The following GLIPR1L1 variants were observed in gnomAD, a reference collection of about 807,000 sequenced individuals.
GLIPR1L1 encodes GLIPR1-like protein 1.
A neutral mutation model predicts 29.9 loss-of-function variants in GLIPR1L1; 26 were observed. That is an observed-to-expected ratio of 0.87 (90% CI 0.64 to 1.21). The LOEUF (loss-of-function observed/expected upper bound fraction) is 1.21, where lower values mean the gene tolerates loss of function less well. Among genes scored for constraint, GLIPR1L1 ranks in the 50% most tolerant of loss-of-function variants. The probability of loss-of-function intolerance (pLI) is 0.00; values close to 1 mark genes in which losing one functional copy is unlikely to be tolerated. For synonymous variants in GLIPR1L1, 77 were observed against 97.5 expected (o/e 0.79, Z 1.24); for missense variants, 305 against 290.3 (o/e 1.05, Z -0.37).
rs2044293579 is a variant in GLIPR1L1, at chr12:75,370,538, C to A, written c.*362C>A. On this transcript the variant is annotated 3_prime_UTR_variant, in exon 6 of 6. Transcript: ENST00000378695. The stretch of plus-strand genomic sequence containing the variant: ...CAATAGTTTCCTTTATGAATACCAT[C>A]AACATCATTCAGAAACAAAATGTTA... The A allele has an allele frequency of 6.3e-6, 1 of 158,934 alleles. No homozygotes were observed. The highest frequency in any genetic ancestry group is 6.3e-5 in the Admixed American group (1 of 15,946). The allele number at this position is 158,934 out of a possible 1,614,324, so 9.8% of individuals were successfully genotyped here. A position where few individuals can be genotyped will look rare whatever the true frequency, so the allele number is the denominator to read the frequency against.
intron 3 of GLIPR1L1, among the ~76,000 whole-genome samples, chr12:75,348,102 C>T (rs2139403060): frequency 6.6e-6 from 1 of 152,086 alleles, no homozygotes; most frequent in East Asian, 1.9e-4. Context: ...TGTAAAAGAA[C>T]ATACTTTTAA....
rs1344115361 is a variant in GLIPR1L1, at chr12:75,370,471, G to C, written c.*295G>C. Reference sequence around the variant, plus strand: ...TCATTTTAGTTATAGTACATTTAGAGAACTAAAGACTTTTCACATATCAAA... The same window carrying C: ...TCATTTTAGTTATAGTACATTTAGACAACTAAAGACTTTTCACATATCAAA... On this transcript the variant is annotated 3_prime_UTR_variant, in exon 6 of 6. Transcript: ENST00000378695. 2 of 209,510 alleles carry C rather than the reference G, an allele frequency of 9.5e-6. No individual in the cohort carries two copies. Among genetic ancestry groups the C allele is most frequent in the African/African-American group, 4.6e-5 (2 of 43,600 alleles). 13.0% of individuals were successfully genotyped at this position (209,510 alleles called of 1,614,324 possible).
chr12:75,343,698 G>A lies in GLIPR1L1; in HGVS notation c.180G>A (p.Trp60Ter). ...AAATTATTTTTATCTTTCAGATTTGGGATAAAGGTTTAGCAAAGATGGCTA... is the reference window on the plus strand; with the variant it reads ...AAATTATTTTTATCTTTCAGATTTGAGATAAAGGTTTAGCAAAGATGGCTA... ...PPAADMKYMIWDKGLAKMAKA... is the reference protein window; with the variant it reads ...PPAADMKYMI Residue 60 changes from tryptophan (W) to a stop codon, truncating the protein, a stop_gained, in exon 2 of 6, where the codon TGG becomes TGA. Transcript: ENST00000378695. LOFTEE classifies it high-confidence loss of function. 1 of 1,599,978 alleles carries A rather than the reference G, an allele frequency of 6.3e-7. No homozygotes were observed. Among genetic ancestry groups the A allele is most frequent in the Admixed American group, 1.7e-5 (1 of 58,186 alleles).
At chr12:75,355,140 A>G (rs2043066800) in intron 3 of GLIPR1L1, among the ~76,000 whole-genome samples, 1 of 152,216 alleles carries the variant, frequency 6.6e-6, no homozygotes, top group African/African-American at 2.4e-5. Flanking sequence ...GGGATCAATT[A>G]AACTAAAGAA....
intron 4 of GLIPR1L1, 145 bp from the exon 5 acceptor site, chr12:75,369,815 T>C (rs770384420): frequency 5.4e-6 from 7 of 1,297,552 alleles, no homozygotes; most frequent in South Asian, 2.2e-5. Context: ...TACTGTAGGA[T>C]TGAGTAGGAA....
intron 1 of GLIPR1L1, among the ~76,000 whole-genome samples, chr12:75,337,648 C>G (rs1468729003): frequency 1.3e-5 from 2 of 151,906 alleles, no homozygotes; most frequent in Non-Finnish European, 2.9e-5. Flanking sequence ...GTCAGTGAAA[C>G]TACCTACCTC....
At chr12:75,359,849 T>G (rs999887316) in intron 3 of GLIPR1L1, 1 of 152,124 alleles carries the variant, frequency 6.6e-6, no homozygotes, top group Non-Finnish European at 1.5e-5. Context: ...TTTGTTCATT[T>G]TCACACTGCT....
chr12:75,350,083 G>C (rs895658536), intron 3 of GLIPR1L1, among the ~76,000 whole-genome samples: 2 of 152,218 alleles, frequency 1.3e-5, no homozygotes, highest in African/African-American at 4.8e-5. Flanking sequence ...GTTTGGACCA[G>C]GAGAAATTCC....
intron 1 of GLIPR1L1, among the ~76,000 whole-genome samples, chr12:75,335,816 G>T (rs2041695064): frequency 6.6e-6 from 1 of 151,940 alleles, no homozygotes; most frequent in Admixed American, 6.6e-5. Context: ...CCAGCTTGGG[G>T]TTGTCCAAGG....
At chr12:75,365,100 T>C (rs928789867) in intron 4 of GLIPR1L1, 1 of 152,146 alleles carries the variant, frequency 6.6e-6, no homozygotes, top group Non-Finnish European at 1.5e-5. Flanking sequence ...CAACCACCTC[T>C]TGCACAATAG....
At chr12:75,363,487 C>T (rs2043755121) in intron 4 of GLIPR1L1, among the ~76,000 whole-genome samples, 1 of 152,114 alleles carries the variant, frequency 6.6e-6, no homozygotes, top group Non-Finnish European at 1.5e-5. Context: ...TTTTTACTCG[C>T]TTTCATTGAC....
chr12:75,368,696 G>C (rs936721484), intron 4 of GLIPR1L1, among the ~76,000 whole-genome samples: 1 of 151,738 alleles, frequency 6.6e-6, no homozygotes, highest in East Asian at 1.9e-4. Context: ...GTTTGTATTA[G>C]ACTCATTTTA....
intron 3 of GLIPR1L1, among the ~76,000 whole-genome samples, chr12:75,355,836 A>T (rs188819258): frequency 2.0e-5 from 3 of 152,204 alleles, no homozygotes; most frequent in African/African-American, 4.8e-5. Context: ...AGGGACATGG[A>T]TGGAGCTAGA....
At chr12:75,342,347 T>C (rs74988346) in intron 1 of GLIPR1L1, among the ~76,000 whole-genome samples, 5,763 of 152,330 alleles carry the variant, frequency 0.038, 126 homozygotes, top group East Asian at 0.052. Context: ...GATATCATAC[T>C]ATTGTTACAA....
At chr12:75,350,850 G>C (rs552564721) in intron 3 of GLIPR1L1, among the ~76,000 whole-genome samples, 1 of 152,308 alleles carries the variant, frequency 6.6e-6, no homozygotes, top group South Asian at 2.1e-4. Flanking sequence ...GGCTGAGATG[G>C]ACGAATTGAC....
chr12:75,352,662 A>G (rs533445116), intron 3 of GLIPR1L1, among the ~76,000 whole-genome samples: 7 of 152,200 alleles, frequency 4.6e-5, no homozygotes, highest in Non-Finnish European at 8.8e-5. Flanking sequence ...CCTGACAGTT[A>G]TCTGCAGAAC....
At chr12:75,350,607 C>T (rs1199711442) in intron 3 of GLIPR1L1, among the ~76,000 whole-genome samples, 2 of 152,106 alleles carry the variant, frequency 1.3e-5, no homozygotes, top group East Asian at 3.9e-4. Context: ...AGCAGCCCTA[C>T]AGAAAAGGGG....
At chr12:75,352,407 G>A (rs950588200) in intron 3 of GLIPR1L1, among the ~76,000 whole-genome samples, 8 of 152,134 alleles carry the variant, frequency 5.3e-5, no homozygotes, top group African/African-American at 1.9e-4. Flanking sequence ...AGACAAAGAA[G>A]GGCATTACAT....
Position 75,343,822 on chromosome 12 carries a change from T to A in GLIPR1L1, c.304T>A (p.Leu102Ile). 6.2e-7 allele frequency: 1 copy of A among 1,613,394 alleles called. No homozygotes were observed. The highest frequency in any genetic ancestry group is 8.5e-7 in the Non-Finnish European group (1 of 1,179,484). ...TGAATATGTTGGAGAAAATATCTGG[T>A]TAGGTGGAATAAAGTCATTCACACC... The part of the protein sequence containing the change: ...AFEYVGENIW[L>I]GGIKSFTPRH... The change falls in exon 2 of 6, where the codon TTA (leucine) becomes ATA (isoleucine). Residue 102 changes from leucine (L) to isoleucine (I), a missense_variant. By Grantham distance (5) the Leu-to-Ile change is conservative. Coordinates refer to ENST00000378695, the MANE Select transcript of GLIPR1L1 (RefSeq NM_001304964.2).
Sources: allele counts gnomAD v4.1 joint callset (sites outside exome capture counted in the v4.1 genomes callset), GRCh38; gene constraint gnomAD v4.1.1; transcripts MANE v1.5; gene names NCBI Gene and HGNC (gene_info 2026-07-23, HGNC 2026-07-21).